Variants in TBL1X observed in about 807,000 individuals in gnomAD.
TBL1X encodes the protein F-box-like/WD repeat-containing protein TBL1X.
A neutral mutation model predicts 50.7 loss-of-function variants in TBL1X; 10 were observed. The observed-to-expected ratio is 0.20, with a 90% confidence interval of 0.12 to 0.33. The LOEUF (loss-of-function observed/expected upper bound fraction) is 0.33. Among genes scored for constraint, TBL1X ranks in the 10% least tolerant of loss-of-function variants. TBL1X has a pLI of 1.00. For missense variants in TBL1X, 340 were observed against 504.4 expected (o/e 0.67, Z 3.12); for synonymous variants, 190 against 214.7 (o/e 0.88, Z 1.01).
At chrX:9,657,023 T>C (rs898841878) in intron 5 of TBL1X, among the ~76,000 whole-genome samples, 2 of 112,129 alleles carry the variant, frequency 1.8e-5, no homozygotes, top group Admixed American at 9.4e-5. Flanking sequence ...AAAAACAGGT[T>C]CTGCATCTCA....
At chrX:9,464,143 T>G (rs1397024536), upstream of TBL1X, among the ~76,000 whole-genome samples, 1 of 111,127 alleles carries the variant, frequency 9.0e-6, no homozygotes, top group Non-Finnish European at 1.9e-5. Context: ...TTAACTGAAT[T>G]AAGGCTGCGA....
At chrX:9,495,255 G>T (rs779245034) in intron 1 of TBL1X, among the ~76,000 whole-genome samples, 2 of 111,706 alleles carry the variant, frequency 1.8e-5, no homozygotes, top group Non-Finnish European at 3.8e-5. Context: ...CAAGTATGTA[G>T]CCCTGATTTA....
chrX:9,631,270 G>A (rs1460767910), intron 2 of TBL1X, among the ~76,000 whole-genome samples: 1 of 111,326 alleles, frequency 9.0e-6, no homozygotes, highest in Non-Finnish European at 1.9e-5. Flanking sequence ...AATAGTTATC[G>A]TCTCTGTTCC....
chrX:9,509,365 C>CAAAAA (rs35090230), intron 2 of TBL1X, among the ~76,000 whole-genome samples: 1 of 50,393 alleles, frequency 2.0e-5, no homozygotes, highest in Non-Finnish European at 3.6e-5. Flanking sequence ...GACTCTGTCT[C>CAAAAA]AAAAAAAAAA....
intron 2 of TBL1X, among the ~76,000 whole-genome samples, chrX:9,583,290 C>G (rs913169270): frequency 1.8e-5 from 2 of 112,340 alleles, no homozygotes; most frequent in African/African-American, 6.5e-5. Context: ...AGAGCCCATG[C>G]AATAACCCAG....
At chrX:9,562,188 C>T (rs188273093) in intron 2 of TBL1X, among the ~76,000 whole-genome samples, 66 of 111,822 alleles carry the variant, frequency 5.9e-4, no homozygotes, top group African/African-American at 1.9e-3. Flanking sequence ...GTTGTATCTA[C>T]GGGGACAGAT....
intron 5 of TBL1X, among the ~76,000 whole-genome samples, chrX:9,674,590 C>T (rs2082980011): frequency 9.9e-6 from 1 of 101,133 alleles, no homozygotes; most frequent in African/African-American, 3.7e-5. Flanking sequence ...AAGACAGAGT[C>T]TCTCTCTGTT....
At chrX:9,496,650 G>T (rs1231496938) in intron 1 of TBL1X, among the ~76,000 whole-genome samples, 1 of 112,035 alleles carries the variant, frequency 8.9e-6, no homozygotes, top group Non-Finnish European at 1.9e-5. Flanking sequence ...CCTGTGTTTT[G>T]TTTGCTGAGA....
chrX:9,640,496 T>G (rs2082770036), intron 3 of TBL1X, 136 bp downstream of exon 3: 1 of 112,559 alleles, frequency 8.9e-6, no homozygotes, highest in African/African-American at 3.2e-5. Flanking sequence ...GTCTTTCTCC[T>G]TACTGAAGGT....
In TBL1X at chrX:9,702,328, GCTA is replaced by G. The variant is rs749907030; in HGVS notation, c.1115-2661_1115-2659del. Among the ~76,000 whole-genome samples, 293 of 108,983 alleles carry G rather than the reference GCTA, an allele frequency of 2.7e-3. 2 individuals carry two copies. The highest frequency in any genetic ancestry group is 9.4e-3 in the African/African-American group (280 of 29,847). 94.6% of individuals were successfully genotyped at this position (108,983 alleles called of 115,157 possible). A position where few individuals can be genotyped will look rare whatever the true frequency, so the allele number is the denominator to read the frequency against. ...TTGGTGGCGTGCACCTGTCATCCCA[GCTA>G]CTAGGGAGGCTGAGGTGGGAGAATC... is the stretch of plus-strand genomic sequence containing the variant. On this transcript the variant is annotated intron_variant, in intron 12 of 17. Coordinates refer to ENST00000645353, the MANE Select transcript of TBL1X (RefSeq NM_005647.4).
At chrX:9,470,400 A>G (rs1430469175) in intron 1 of TBL1X, among the ~76,000 whole-genome samples, 2 of 112,687 alleles carry the variant, frequency 1.8e-5, no homozygotes, top group African/African-American at 3.2e-5. Flanking sequence ...GACTAGAGGC[A>G]TGTGCCACCA....
At chrX:9,607,055 G>A (rs1270919488) in intron 2 of TBL1X, among the ~76,000 whole-genome samples, 1 of 112,468 alleles carries the variant, frequency 8.9e-6, no homozygotes, top group African/African-American at 3.2e-5. Flanking sequence ...CAGGATTTCA[G>A]CCCCTTTGTT....
chrX:9,625,892 G>A (rs1444946267), intron 2 of TBL1X, among the ~76,000 whole-genome samples: 6 of 112,373 alleles, frequency 5.3e-5, no homozygotes, highest in African/African-American at 1.9e-4. Flanking sequence ...ACAGTGAGCC[G>A]AGATCATGCC....
At position 9,694,176 on chromosome X, in the gene TBL1X, C is replaced by T. The variant is rs773190465; in HGVS notation, c.1053+757C>T. Among the ~76,000 whole-genome samples, 3 of 106,990 alleles carry T rather than the reference C, an allele frequency of 2.8e-5. No individual in the cohort carries two copies. In the South Asian group the frequency reaches 1.3e-3, roughly 46 times the overall value. The allele number at this position is 106,990 out of a possible 115,157, so 92.9% of individuals were successfully genotyped here. On this transcript the variant is annotated intron_variant, in intron 11 of 17. Coordinates refer to ENST00000645353, the MANE Select transcript of TBL1X (RefSeq NM_005647.4). ...CCTTCATGGAACAGTTGTGCGTTCC[C>T]GAGACTCAGCAGGAATTCTAAGTCA... is the stretch of plus-strand genomic sequence containing the variant.
Position 9,490,075 on chromosome X carries a change from C to T in TBL1X, c.-200-11705C>T, listed in dbSNP as rs185517504. ...TCTTTCTTCTGGGCTCAAGTCTCCTCCCGCCTCAGCCTCCCAAGTAGCTGG... is the reference window on the plus strand; with the variant it reads ...TCTTTCTTCTGGGCTCAAGTCTCCTTCCGCCTCAGCCTCCCAAGTAGCTGG... On this transcript the variant is annotated intron_variant, in intron 1 of 17. Transcript: ENST00000645353. 2.3e-4 allele frequency among the ~76,000 whole-genome samples: 26 copies of T among 111,464 alleles called. No individual in the cohort carries two copies. In the East Asian group the frequency reaches 6.5e-3, roughly 28 times the overall value.
chrX:9,706,827 G>GCT (rs2083211058), intron 13 of TBL1X, among the ~76,000 whole-genome samples: 1 of 111,105 alleles, frequency 9.0e-6, no homozygotes, highest in African/African-American at 3.3e-5. Context: ...CTTGCCCCGC[G>GCT]CTGAGCCCTG....
intron 2 of TBL1X, among the ~76,000 whole-genome samples, chrX:9,552,337 G>C (rs920879461): frequency 8.9e-6 from 1 of 111,812 alleles, no homozygotes; most frequent in Non-Finnish European, 1.9e-5. Context: ...ATTTCTCTGT[G>C]ACTTGGGGAT....
intron 2 of TBL1X, among the ~76,000 whole-genome samples, chrX:9,525,910 TTCTTTCC>T (rs2082129655): frequency 8.9e-6 from 1 of 112,101 alleles, no homozygotes; most frequent in South Asian, 3.7e-4. Flanking sequence ...CGATGTGGTT[TTCTTTCC>T]TCTTTTTGCC....
chrX:9,463,656 C>G (rs754577045), upstream of TBL1X, among the ~76,000 whole-genome samples: 1 of 112,466 alleles, frequency 8.9e-6, no homozygotes, highest in Admixed American at 9.4e-5. Context: ...CTTTGGGAGG[C>G]CGAGGCCGGC....
Sources: gnomAD v4.1 joint callset for allele counts (sites outside exome capture counted in the v4.1 genomes callset) on GRCh38, gnomAD v4.1.1 for gene constraint, MANE v1.5 for transcripts, NCBI Gene and HGNC (gene_info 2026-07-23, HGNC 2026-07-21) for gene names.